The following SEPSECS variants were observed in gnomAD, a reference collection of about 807,000 sequenced individuals.
SEPSECS encodes the protein O-phosphoseryl-tRNA(Sec) selenium transferase.
A neutral mutation model predicts 52.1 loss-of-function variants in SEPSECS; 42 were observed. The observed-to-expected ratio is 0.81, with a 90% CI of 0.63 to 1.04. The LOEUF (loss-of-function observed/expected upper bound fraction) is 1.04. SEPSECS is among the 50% of genes least tolerant of loss of function. The pLI is 0.00. For missense variants in SEPSECS, 590 were observed against 610.6 expected, an observed-to-expected ratio of 0.97 and a Z score of 0.36; for synonymous variants, 216 against 211.4, an observed-to-expected ratio of 1.02 and a Z score of -0.19.
At chr4:25,159,935 G>T (rs1577636359) in intron 1 of SEPSECS, 2 of 985,248 alleles carry the variant, frequency 2.0e-6, no homozygotes, top group East Asian at 1.1e-4. Flanking sequence ...AAAGATGGAG[G>T]TGCGAACTTT....
chr4:25,124,284 C>A, intron 10 of SEPSECS, 59 bp from the exon 11 acceptor site: 1 of 1,507,926 alleles, frequency 6.6e-7, no homozygotes, highest in East Asian at 2.3e-5. Flanking sequence ...CAATGTCACC[C>A]ATAAACAAAA....
At chr4:25,158,650 T>C (rs1034203329) in intron 2 of SEPSECS, among the ~76,000 whole-genome samples, 4 of 152,012 alleles carry the variant, frequency 2.6e-5, no homozygotes, top group Middle Eastern at 3.4e-3. Context: ...GATTTTGAAC[T>C]CTTACAACCA....
At chr4:25,131,274 C>T (rs1728595804) in intron 8 of SEPSECS, among the ~76,000 whole-genome samples, 1 of 152,112 alleles carries the variant, frequency 6.6e-6, no homozygotes, top group Admixed American at 6.6e-5. Context: ...GTAATCACAC[C>T]TTTGGAAACA....
chr4:25,148,205 T>G (rs1194190395), intron 6 of SEPSECS, among the ~76,000 whole-genome samples: 3 of 151,748 alleles, frequency 2.0e-5, no homozygotes, highest in Non-Finnish European at 4.4e-5. Context: ...TACAAAAAAT[T>G]AGCCAGGCAT....
chr4:25,120,023 A>G lies in SEPSECS; in HGVS notation c.*3908T>C, dbSNP rs1172073008. 1 of 152,064 alleles carries G rather than the reference A, an allele frequency of 6.6e-6. No homozygotes were observed. The highest frequency in any genetic ancestry group is 1.5e-5 in the Non-Finnish European group (1 of 67,980). The allele number at this position is 152,064 out of a possible 1,614,324, so 9.4% of individuals were successfully genotyped here. A position where few individuals can be genotyped will look rare whatever the true frequency, so the allele number is the denominator to read the frequency against. ...AATAACGTACTGTCAGTGACTTATC[A>G]AAAATTTATTTCATATAATAAATTA... On this transcript the variant is annotated 3_prime_UTR_variant, in exon 11 of 11. Coordinates refer to ENST00000382103, the MANE Select transcript of SEPSECS (RefSeq NM_016955.4).
intron 8 of SEPSECS, among the ~76,000 whole-genome samples, chr4:25,137,295 A>G (rs1728876736): frequency 6.6e-6 from 1 of 152,246 alleles, no homozygotes; most frequent in Non-Finnish European, 1.5e-5. Flanking sequence ...AGAATGGGAA[A>G]AAATTTTTGC....
chr4:25,126,759 C>T (rs1422012919), intron 9 of SEPSECS, among the ~76,000 whole-genome samples: 1 of 152,122 alleles, frequency 6.6e-6, no homozygotes, highest in Non-Finnish European at 1.5e-5. Context: ...TTAAAAACAA[C>T]ATAAGAAAAG....
Position 25,120,084 on chromosome 4 carries a change from AAAACATTTTTGG to A in SEPSECS, c.*3835_*3846del, listed in dbSNP as rs1181417114. Reference sequence around the variant, plus strand: ...TTTCATCTTTAAACAGTCTACACCGAAAACATTTTTGGAAACATCTTTTCCTTTTGGTAAAAC... The same window carrying A: ...TTTCATCTTTAAACAGTCTACACCGAAAACATCTTTTCCTTTTGGTAAAAC... On this transcript the variant is annotated 3_prime_UTR_variant, in exon 11 of 11. Transcript: ENST00000382103. The A allele has an allele frequency of 6.6e-6, 1 of 152,122 alleles. No individual in the cohort carries two copies. The highest frequency in any genetic ancestry group is 6.6e-5 in the Admixed American group (1 of 15,264). The allele number at this position is 152,122 out of a possible 1,614,324, so 9.4% of individuals were successfully genotyped here.
rs182350708 is a variant in SEPSECS at position 25,136,589 on chromosome 4, T to C, written c.1026+8185A>G. Among the ~76,000 whole-genome samples the C allele has an allele frequency of 1.1e-4, 16 of 152,182 alleles. No homozygotes were observed. The East Asian group carries it at 2.9e-3, about 28-fold the overall frequency. The stretch of plus-strand genomic sequence containing the variant: ...AGGACACAAACAAATGTAAAAACAT[T>C]CCATATTATGGATAGGAAGAACCAC... On this transcript the variant is annotated intron_variant, in intron 8 of 10. Coordinates refer to ENST00000382103, the MANE Select transcript of SEPSECS (RefSeq NM_016955.4).
intron 5 of SEPSECS, 84 bp from the exon 6 acceptor site, chr4:25,152,146 T>C: frequency 2.4e-6 from 2 of 825,324 alleles, no homozygotes; most frequent in East Asian, 2.6e-5. Context: ...AAAAATTTAA[T>C]AGTTATCCTT....
intron 5 of SEPSECS, among the ~76,000 whole-genome samples, chr4:25,152,671 A>G (rs1194614312): frequency 6.6e-6 from 1 of 151,938 alleles, no homozygotes; most frequent in East Asian, 1.9e-4. Flanking sequence ...TTACTTTTTC[A>G]TTTTACACCT....
In SEPSECS at chr4:25,145,384, A is replaced by T. The variant is rs1381840669; in HGVS notation, c.805-251T>A. ...AATGCATGGAAAAAACAATTGAAAA[A>T]TTTTATTTTTATTTTCTTTGTAATA... On this transcript the variant is annotated intron_variant, in intron 6 of 10. Transcript: ENST00000382103. Among the ~76,000 whole-genome samples, 4 of 152,214 alleles carry T rather than the reference A, an allele frequency of 2.6e-5. No individual in the cohort carries two copies. The South Asian group carries it at 8.3e-4, about 32-fold the overall frequency.
At chr4:25,148,072 GCCAGGCACGGTGGCTCACATCTGTAAT>G (rs1332654326) in intron 6 of SEPSECS, among the ~76,000 whole-genome samples, 1 of 152,120 alleles carries the variant, frequency 6.6e-6, no homozygotes, top group Non-Finnish European at 1.5e-5. Context: ...CTAGTAGAGG[GCCAGGCACGGTGGCTCACATCTGTAAT>G]CCCAGCACTT....
rs1728056851 is a variant in SEPSECS, at chr4:25,120,081, C to T, written c.*3850G>A. ...TATTTTCATCTTTAAACAGTCTACA[C>T]CGAAAACATTTTTGGAAACATCTTT... On this transcript the variant is annotated 3_prime_UTR_variant, in exon 11 of 11. Coordinates refer to ENST00000382103, the MANE Select transcript of SEPSECS (RefSeq NM_016955.4). The T allele has an allele frequency of 6.6e-6, 1 of 152,006 alleles. No individual in the cohort carries two copies. Among genetic ancestry groups the T allele is most frequent in the Non-Finnish European group, 1.5e-5 (1 of 67,964 alleles). The allele number at this position is 152,006 out of a possible 1,614,324, so 9.4% of individuals were successfully genotyped here. A position where few individuals can be genotyped will look rare whatever the true frequency, so the allele number is the denominator to read the frequency against.
At chr4:25,142,672 G>C (rs989049043) in intron 8 of SEPSECS, among the ~76,000 whole-genome samples, 2 of 152,182 alleles carry the variant, frequency 1.3e-5, no homozygotes, top group African/African-American at 4.8e-5. Flanking sequence ...AGGGAGGGAA[G>C]CCAAGACAGC....
chr4:25,155,309 T>C, intron 4 of SEPSECS, 158 bp from the exon 5 acceptor site: 1 of 766,066 alleles, frequency 1.3e-6, no homozygotes, highest in African/African-American at 1.7e-5. Context: ...AGTACTGGTA[T>C]TAGTCAAAGG....
chr4:25,149,072 T>A (rs1329896913), intron 6 of SEPSECS, among the ~76,000 whole-genome samples: 2 of 152,250 alleles, frequency 1.3e-5, no homozygotes, highest in South Asian at 2.1e-4. Context: ...GCTTTTATTT[T>A]TTTTTTGGCG....
In SEPSECS at chr4:25,124,019, T is replaced by A. The variant is rs745692962; in HGVS notation, c.1418A>T (p.Tyr473Phe). The A allele has an allele frequency of 1.2e-6, 2 of 1,613,564 alleles. No individual in the cohort carries two copies. The highest frequency in any genetic ancestry group is 2.7e-5 in the African/African-American group (2 of 74,918). The change falls in exon 11 of 11, where the codon TAT (tyrosine) becomes TTT (phenylalanine). Residue 473 changes from tyrosine to phenylalanine, a missense_variant. By Grantham distance (22) the Tyr-to-Phe change is conservative. Transcript: ENST00000382103. ...KERSKESDDN[Y>F]DKTEDVDIEE... Reference sequence around the variant, plus strand: ...AATATCCACATCTTCAGTTTTGTCATAATTGTCATCACTCTCTTTACTTCG... The same window carrying A: ...AATATCCACATCTTCAGTTTTGTCAAAATTGTCATCACTCTCTTTACTTCG...
At chr4:25,154,316 A>G (rs1195356984) in intron 5 of SEPSECS, among the ~76,000 whole-genome samples, 1 of 152,164 alleles carries the variant, frequency 6.6e-6, no homozygotes, top group Non-Finnish European at 1.5e-5. Flanking sequence ...CCCAAAGTCA[A>G]TATAGTGCTT....
Sources: gnomAD v4.1 joint callset for allele counts (sites outside exome capture counted in the v4.1 genomes callset) on GRCh38, gnomAD v4.1.1 for gene constraint, MANE v1.5 for transcripts, NCBI Gene and HGNC (gene_info 2026-07-23, HGNC 2026-07-21) for gene names.